Variants in PCDHA2 observed in about 807,000 individuals in gnomAD.
PCDHA2 encodes the protein protocadherin alpha-2.
PCDHA2 carries 58 observed loss-of-function variants against 66.0 expected under a neutral mutation model. The ratio of observed to expected loss-of-function variants is 0.88; its 90% CI spans 0.71 to 1.09. The LOEUF (loss-of-function observed/expected upper bound fraction) is 1.09. Ranked by LOEUF, PCDHA2 falls within the 50% of genes least tolerant of loss-of-function variation. PCDHA2 has a pLI of 0.00. For synonymous variants in PCDHA2, 634 were observed against 554.0 expected (o/e 1.14, Z -2.03); for missense variants, 1,267 against 1,242.3 (o/e 1.02, Z -0.30).
chr5:140,805,037 A>G, intron 1 of PCDHA2: 1 of 1,585,878 alleles, frequency 6.3e-7, no homozygotes, highest in South Asian at 1.1e-5. Flanking sequence ...TAATAGAGTC[A>G]GCCAAAGTAC....
intron 3 of PCDHA2, among the ~76,000 whole-genome samples, chr5:140,983,854 T>A (rs1554245766): frequency 6.6e-6 from 1 of 152,206 alleles, no homozygotes; most frequent in Non-Finnish European, 1.5e-5. Flanking sequence ...TTAAGTAACA[T>A]GCAGCTAAGG....
At chr5:140,801,793 A>G in intron 1 of PCDHA2, 2 of 1,614,032 alleles carry the variant, frequency 1.2e-6, no homozygotes, top group Non-Finnish European at 1.7e-6. Flanking sequence ...TTGAAAAAAA[A>G]TTTAAATCGA....
chr5:140,875,516 TG>T, intron 1 of PCDHA2: 1 of 1,613,976 alleles, frequency 6.2e-7, no homozygotes, highest in Non-Finnish European at 8.5e-7. Context: ...CAGCGTCTGC[TG>T]CTCTCGCTTC....
chr5:140,870,970 G>A, intron 1 of PCDHA2: 4 of 1,613,652 alleles, frequency 2.5e-6, no homozygotes, highest in Non-Finnish European at 3.4e-6. Context: ...CCCGTTCCGC[G>A]TGGGGCTGTA....
intron 1 of PCDHA2, chr5:140,822,611 T>C: frequency 6.2e-7 from 1 of 1,611,604 alleles, no homozygotes; most frequent in Non-Finnish European, 8.5e-7. Flanking sequence ...ATAGTGTATT[T>C]CTTTAGTAAT....
intron 1 of PCDHA2, among the ~76,000 whole-genome samples, chr5:140,837,973 C>T (rs1397012056): frequency 6.6e-6 from 1 of 151,666 alleles, no homozygotes; most frequent in Non-Finnish European, 1.5e-5. Context: ...ACAACCACAC[C>T]CAGCCTGCCT....
rs2150248878 is a variant in PCDHA2 at position 140,835,949 on chromosome 5, G to A, written c.2388+38597G>A. The A allele has an allele frequency of 3.1e-6, 5 of 1,612,866 alleles. No individual in the cohort carries two copies. In the South Asian group the frequency reaches 3.3e-5, roughly 11 times the overall value. On this transcript the variant is annotated intron_variant, in intron 1 of 3. Coordinates refer to ENST00000526136, the MANE Select transcript of PCDHA2 (RefSeq NM_018905.3). ...GCGGCAAGGTGTACGCGCTGCAGCCGTTGGACCACGAGGAGCTGGAGCTGT... is the reference window on the plus strand; with the variant it reads ...GCGGCAAGGTGTACGCGCTGCAGCCATTGGACCACGAGGAGCTGGAGCTGT...
At chr5:141,004,935 A>AATTTCTT (rs2098189293) in intron 3 of PCDHA2, among the ~76,000 whole-genome samples, 1 of 152,112 alleles carries the variant, frequency 6.6e-6, no homozygotes, top group African/African-American at 2.4e-5. Context: ...GAGAGAAGAA[A>AATTTCTT]ATTTCTTACC....
At chr5:140,891,681 C>T (rs1021117286) in intron 1 of PCDHA2, among the ~76,000 whole-genome samples, 1 of 152,150 alleles carries the variant, frequency 6.6e-6, no homozygotes, top group African/African-American at 2.4e-5. Flanking sequence ...TAATAATTCT[C>T]TCTTCTTGCT....
At chr5:140,958,344 T>A (rs1247122967) in intron 1 of PCDHA2, among the ~76,000 whole-genome samples, 2 of 152,128 alleles carry the variant, frequency 1.3e-5, no homozygotes, top group African/African-American at 4.8e-5. Context: ...CACAGGAAGT[T>A]CACAGTCTGA....
At chr5:140,875,815 C>T (rs782785462) in intron 1 of PCDHA2, 11 of 1,614,218 alleles carry the variant, frequency 6.8e-6, no homozygotes, top group Non-Finnish European at 9.3e-6. Flanking sequence ...CAGGCCGCTG[C>T]AGGTTTTCCA....
Position 140,823,972 on chromosome 5 carries a change from C to T in PCDHA2, c.2388+26620C>T, listed in dbSNP as rs140039635. On this transcript the variant is annotated intron_variant, in intron 1 of 3. Coordinates refer to ENST00000526136, the MANE Select transcript of PCDHA2 (RefSeq NM_018905.3). ...GCAGCCCACCGAGGCCGTGTGCACA[C>T]GGGGCAAGCCCACTCTGTTGTGCTC... 56 of 1,613,990 alleles carry T rather than the reference C, an allele frequency of 3.5e-5. No individual in the cohort carries two copies. Among genetic ancestry groups the T allele is most frequent in the Non-Finnish European group, 4.2e-5 (50 of 1,180,016 alleles).
chr5:140,913,756 A>G (rs1184722554), intron 1 of PCDHA2, among the ~76,000 whole-genome samples: 1 of 152,072 alleles, frequency 6.6e-6, no homozygotes, highest in African/African-American at 2.4e-5. Context: ...GTTGTATCTC[A>G]TAGGTTTTGG....
chr5:140,886,637 C>A (rs1379156415), intron 1 of PCDHA2, among the ~76,000 whole-genome samples: 3 of 151,848 alleles, frequency 2.0e-5, no homozygotes, highest in Non-Finnish European at 4.4e-5. Context: ...ACCAGCCTGG[C>A]CAACATGGTG....
intron 1 of PCDHA2, chr5:140,857,539 G>T (rs782469087): frequency 6.3e-7 from 1 of 1,597,270 alleles, no homozygotes; most frequent in African/African-American, 1.3e-5. Flanking sequence ...TGGAGCGGCG[G>T]TTGGGCGAGC....
chr5:140,820,785 A>T (rs1554127919), intron 1 of PCDHA2, among the ~76,000 whole-genome samples: 1 of 152,086 alleles, frequency 6.6e-6, no homozygotes, highest in Non-Finnish European at 1.5e-5. Context: ...TTGTTATGTA[A>T]GTACAAAGGT....
chr5:140,822,107 G>T, intron 1 of PCDHA2: 1 of 1,614,274 alleles, frequency 6.2e-7, no homozygotes, highest in Non-Finnish European at 8.5e-7. Context: ...ATCGTGGACA[G>T]GCCGCTGCAG....
intron 1 of PCDHA2, chr5:140,848,677 C>T: frequency 6.3e-7 from 1 of 1,592,256 alleles, no homozygotes; most frequent in Non-Finnish European, 8.6e-7. Context: ...GAGCTGGTGC[C>T]GCGCCTGTTC....
chr5:140,980,085 T>C (rs1294414077), intron 2 of PCDHA2, among the ~76,000 whole-genome samples: 1 of 152,242 alleles, frequency 6.6e-6, no homozygotes, highest in Non-Finnish European at 1.5e-5. Context: ...AGATTAGTAG[T>C]TGGCTTGGTA....
Sources: allele counts gnomAD v4.1 joint callset (sites outside exome capture counted in the v4.1 genomes callset), GRCh38; gene constraint gnomAD v4.1.1; transcripts MANE v1.5; gene names NCBI Gene and HGNC (gene_info 2026-07-23, HGNC 2026-07-21).